RABGAP1L: variants seen among roughly 807,000 people sequenced by gnomAD.
RABGAP1L encodes rab GTPase-activating protein 1-like.
RABGAP1L carries 63 observed loss-of-function variants against 137.7 expected under a neutral mutation model. The observed-to-expected ratio is 0.46, with a 90% confidence interval of 0.37 to 0.56. The LOEUF (loss-of-function observed/expected upper bound fraction) is 0.56, where lower values mean the gene tolerates loss of function less well. Among genes scored for constraint, RABGAP1L ranks in the 20% least tolerant of loss-of-function variants. RABGAP1L has a pLI of 0.00. For synonymous variants in RABGAP1L, 431 were observed against 433.7 expected (o/e 0.99, Z 0.08); for missense variants, 1,095 against 1,244.0 (o/e 0.88, Z 1.80).
At chr1:174,353,603 G>A (rs1303386507) in intron 11 of RABGAP1L, among the ~76,000 whole-genome samples, 2 of 152,204 alleles carry the variant, frequency 1.3e-5, no homozygotes, top group Non-Finnish European at 2.9e-5. Flanking sequence ...CTCACTGACT[G>A]CTGGGATTTC....
chr1:174,889,725 C>A (rs1655805318), intron 19 of RABGAP1L, among the ~76,000 whole-genome samples: 1 of 151,836 alleles, frequency 6.6e-6, no homozygotes, highest in South Asian at 2.1e-4. Context: ...ACCACTGTGA[C>A]CAGCCTTTCT....
chr1:174,202,542 T>C (rs1201859466), intron 1 of RABGAP1L, among the ~76,000 whole-genome samples: 1 of 152,206 alleles, frequency 6.6e-6, no homozygotes, highest in Non-Finnish European at 1.5e-5. Context: ...TTGTAGATTC[T>C]GGATATTAGC....
chr1:174,191,856 G>A (rs530273461), intron 1 of RABGAP1L, among the ~76,000 whole-genome samples: 3 of 152,116 alleles, frequency 2.0e-5, no homozygotes, highest in East Asian at 1.9e-4. Context: ...GGAAATGTTC[G>A]GATTTAGCTT....
chr1:174,835,742 T>G (rs1692675005), intron 19 of RABGAP1L, among the ~76,000 whole-genome samples: 1 of 152,210 alleles, frequency 6.6e-6, no homozygotes, highest in South Asian at 2.1e-4. Flanking sequence ...TTCTGAATTG[T>G]CAAACGTGAA....
At chr1:174,885,921 C>T (rs921083769) in intron 19 of RABGAP1L, among the ~76,000 whole-genome samples, 3 of 151,468 alleles carry the variant, frequency 2.0e-5, no homozygotes, top group Non-Finnish European at 4.4e-5. Flanking sequence ...GAGCCGAGAT[C>T]GCACCACTGC....
chr1:174,841,019 A>G (rs1175465335), intron 19 of RABGAP1L, among the ~76,000 whole-genome samples: 2 of 152,112 alleles, frequency 1.3e-5, no homozygotes, highest in Non-Finnish European at 2.9e-5. Context: ...TTAAACATCC[A>G]TAAAGCAGAA....
At chr1:174,673,688 A>G (rs1677355628) in intron 14 of RABGAP1L, among the ~76,000 whole-genome samples, 1 of 152,202 alleles carries the variant, frequency 6.6e-6, no homozygotes, top group African/African-American at 2.4e-5. Context: ...TATACTAGGT[A>G]TGGGAATTTG....
At chr1:174,453,993 G>A (rs112280632) in intron 13 of RABGAP1L, among the ~76,000 whole-genome samples, 16,300 of 152,074 alleles carry the variant, frequency 0.11, 964 homozygotes, top group East Asian at 0.21. Flanking sequence ...GGCTGGGCGC[G>A]GTGGCTCACA....
At chr1:174,553,922 C>G (rs1039602344) in intron 13 of RABGAP1L, among the ~76,000 whole-genome samples, 1 of 152,028 alleles carries the variant, frequency 6.6e-6, no homozygotes, top group Non-Finnish European at 1.5e-5. Flanking sequence ...CCGGGGAGGT[C>G]GAATCTGCAG....
intron 3 of RABGAP1L, 75 bp from the exon 4 acceptor site, chr1:174,231,070 T>C (rs1391203776): frequency 1.5e-5 from 16 of 1,041,946 alleles, no homozygotes; most frequent in Non-Finnish European, 2.1e-5. Flanking sequence ...TCATTTCTTT[T>C]TGGGCATTGG....
At chr1:174,347,762 A>C (rs561492102) in intron 11 of RABGAP1L, among the ~76,000 whole-genome samples, 1 of 152,250 alleles carries the variant, frequency 6.6e-6, no homozygotes, top group South Asian at 2.1e-4. Flanking sequence ...CCAGAGTGCT[A>C]GGATTACAGG....
At chr1:174,672,281 CTT>C (rs1256381168) in intron 14 of RABGAP1L, among the ~76,000 whole-genome samples, 38,084 of 117,706 alleles carry the variant, frequency 0.32, 6,362 homozygotes, top group African/African-American at 0.59. Flanking sequence ...TTTTTCCTTT[CTT>C]TTTTTTTTTT....
In RABGAP1L at chr1:174,446,532, AT is replaced by A. The variant is rs775099607; in HGVS notation, c.1710+52388del. 2.6e-5 allele frequency among the ~76,000 whole-genome samples: 4 copies of A among 152,216 alleles called. No homozygotes were observed. In the East Asian group the frequency reaches 7.7e-4, roughly 29 times the overall value. ...TCACTTTTAAAAAATACTTTGGCAA[AT>A]GTTAACCTGATATCAAAATGACCTT... On this transcript the variant is annotated intron_variant, in intron 13 of 25. Coordinates refer to ENST00000681986, the MANE Select transcript of RABGAP1L (RefSeq NM_001366446.1).
intron 13 of RABGAP1L, among the ~76,000 whole-genome samples, chr1:174,413,042 A>T (rs1650128107): frequency 6.6e-6 from 1 of 152,016 alleles, no homozygotes; most frequent in Non-Finnish European, 1.5e-5. Flanking sequence ...TGAATTATTC[A>T]CTCAAATATG....
chr1:174,925,885 TTG>T (rs1558240114), intron 19 of RABGAP1L, among the ~76,000 whole-genome samples: 2 of 94,628 alleles, frequency 2.1e-5, no homozygotes, highest in Non-Finnish European at 3.6e-5. Context: ...TGTTTTTTTT[TTG>T]TGTTTTTTTT....
intron 19 of RABGAP1L, among the ~76,000 whole-genome samples, chr1:174,936,853 A>G (rs1234356825): frequency 6.6e-6 from 1 of 152,138 alleles, no homozygotes; most frequent in African/African-American, 2.4e-5. Flanking sequence ...TATAGCTTCA[A>G]TTATATAATT....
intron 17 of RABGAP1L, among the ~76,000 whole-genome samples, chr1:174,747,590 A>G (rs1457578586): frequency 6.6e-6 from 1 of 152,014 alleles, no homozygotes; most frequent in Non-Finnish European, 1.5e-5. Flanking sequence ...ATATAGTAAT[A>G]CCTTATTTTT....
Position 174,221,170 on chromosome 1 carries a change from G to C in RABGAP1L, c.331+6G>C. On this transcript the variant is annotated splice_donor_region_variant and intron_variant, in intron 3 of 25. Transcript: ENST00000681986. ...TTTGGATCCGTCTAACACAGGTACT[G>C]TATTGAATTCTTAGAAACTATTAAA... The C allele has an allele frequency of 1.3e-6, 2 of 1,529,446 alleles. No homozygotes were observed. Among genetic ancestry groups the C allele is most frequent in the East Asian group, 2.4e-5 (1 of 42,148 alleles). 94.7% of individuals were successfully genotyped at this position (1,529,446 alleles called of 1,614,324 possible). A position where few individuals can be genotyped will look rare whatever the true frequency, so the allele number is the denominator to read the frequency against.
intron 1 of RABGAP1L, among the ~76,000 whole-genome samples, chr1:174,195,483 A>G (rs76891566): frequency 0.011 from 1,667 of 152,198 alleles, 30 homozygotes; most frequent in African/African-American, 0.038. Flanking sequence ...TTGAGAGTGT[A>G]ATATGTTTAA....
Sources: allele counts gnomAD v4.1 joint callset (sites outside exome capture counted in the v4.1 genomes callset), GRCh38; gene constraint gnomAD v4.1.1; transcripts MANE v1.5; gene names NCBI Gene and HGNC (gene_info 2026-07-23, HGNC 2026-07-21).